The following KCNMA1 variants were observed in gnomAD, a reference collection of about 807,000 sequenced individuals.
KCNMA1 encodes the protein Calcium-activated potassium channel subunit alpha-1.
A neutral mutation model predicts 140.0 loss-of-function variants in KCNMA1; 29 were observed. The observed-to-expected ratio is 0.21, with a 90% CI of 0.15 to 0.28. The LOEUF is 0.28. KCNMA1 is among the 10% of genes least tolerant of loss of function. The probability of loss-of-function intolerance (pLI) is 1.00; values close to 1 mark genes in which losing one functional copy is unlikely to be tolerated. For missense variants in KCNMA1, 880 were observed against 1,602.2 expected (o/e 0.55, Z 7.70); for synonymous variants, 612 against 611.9 (o/e 1.00, Z 0.00).
At chr10:76,950,458 A>G (rs1258214355) in intron 21 of KCNMA1, among the ~76,000 whole-genome samples, 1 of 152,204 alleles carries the variant, frequency 6.6e-6, no homozygotes, top group East Asian at 1.9e-4. Flanking sequence ...CAGGAAATAC[A>G]AATGTTTAGT....
Position 77,511,084 on chromosome 10 carries a change from G to C in KCNMA1, c.379-107061C>G, listed in dbSNP as rs1603631247. ...CTGTGAGTATGTTGGGGCTGCTGCA[G>C]ATCAGCAGTCTCAAAATTCATAGAG... On this transcript the variant is annotated intron_variant, in intron 1 of 27. Transcript: ENST00000286628. Among the ~76,000 whole-genome samples, 4 of 152,334 alleles carry C rather than the reference G, an allele frequency of 2.6e-5. No individual in the cohort carries two copies. The South Asian group carries it at 8.3e-4, about 32-fold the overall frequency.
chr10:77,123,179 CAAAAAAAAAAAAAAAAAAAAAA>C (rs61374890), intron 5 of KCNMA1, among the ~76,000 whole-genome samples: 1,663 of 59,714 alleles, frequency 0.028, 58 homozygotes, highest in African/African-American at 0.11. Context: ...GACTCCGTCT[CAAAAAAAAAAAAAAAAAAAAAA>C]AAAAAAAAAA....
chr10:77,432,174 G>T (rs1437628752), intron 1 of KCNMA1, among the ~76,000 whole-genome samples: 1 of 152,182 alleles, frequency 6.6e-6, no homozygotes, highest in Non-Finnish European at 1.5e-5. Flanking sequence ...GGATAAAGTA[G>T]TGCTTAATGA....
chr10:77,570,684 A>T (rs1370115597), intron 1 of KCNMA1, among the ~76,000 whole-genome samples: 1 of 151,296 alleles, frequency 6.6e-6, no homozygotes, highest in Non-Finnish European at 1.5e-5. Context: ...ACATGTATAC[A>T]TATGTAACTA....
intron 14 of KCNMA1, among the ~76,000 whole-genome samples, chr10:77,059,153 T>C (rs2095648769): frequency 6.6e-6 from 1 of 151,954 alleles, no homozygotes; most frequent in Non-Finnish European, 1.5e-5. Context: ...TCACCCAAGA[T>C]TAACTATTTA....
intron 1 of KCNMA1, among the ~76,000 whole-genome samples, chr10:77,632,548 G>A (rs766987637): frequency 2.0e-5 from 3 of 152,212 alleles, no homozygotes; most frequent in South Asian, 2.1e-4. Context: ...GACCCCATCC[G>A]TGAAGCCTAC....
intron 23 of KCNMA1, among the ~76,000 whole-genome samples, chr10:76,934,887 C>T (rs1158151417): frequency 2.6e-5 from 4 of 152,180 alleles, no homozygotes; most frequent in Non-Finnish European, 4.4e-5. Context: ...GAAACTTCCG[C>T]TTGAGCATGG....
chr10:77,025,242 G>GTATGTATATATATATA (rs1555136871), intron 16 of KCNMA1, among the ~76,000 whole-genome samples: 1 of 42,742 alleles, frequency 2.3e-5, no homozygotes, highest in African/African-American at 7.7e-5. Flanking sequence ...GGGTGTGTGT[G>GTATGTATATATATATA]TATATATATA....
chr10:77,342,237 C>T (rs907895401), intron 2 of KCNMA1, among the ~76,000 whole-genome samples: 4 of 152,152 alleles, frequency 2.6e-5, no homozygotes, highest in African/African-American at 9.7e-5. Context: ...ACAGCAACAG[C>T]AAAATAATAT....
At chr10:77,002,391 A>T (rs934906239) in intron 18 of KCNMA1, among the ~76,000 whole-genome samples, 36 of 152,316 alleles carry the variant, frequency 2.4e-4, no homozygotes, top group African/African-American at 7.5e-4. Context: ...AGCTGAGAGG[A>T]TCTGAAAATC....
In KCNMA1 at chr10:76,917,925, G is replaced by T. The variant is rs933782725; in HGVS notation, c.2903-2876C>A. Among the ~76,000 whole-genome samples the T allele has an allele frequency of 2.6e-5, 4 of 152,198 alleles. No individual in the cohort carries two copies. In the East Asian group the frequency reaches 7.7e-4, roughly 29 times the overall value. ...TCCTTAAATGGCTTTGGAGAGAAGA[G>T]AAATTCAAGCACCTTCCATAAAGGA... is the stretch of plus-strand genomic sequence containing the variant. On this transcript the variant is annotated intron_variant, in intron 23 of 27. Coordinates refer to ENST00000286628, the MANE Select transcript of KCNMA1 (RefSeq NM_001161352.2).
chr10:77,252,022 C>A (rs918294158), intron 2 of KCNMA1, among the ~76,000 whole-genome samples: 4 of 152,170 alleles, frequency 2.6e-5, no homozygotes, highest in African/African-American at 9.7e-5. Flanking sequence ...GAAAGTAGTT[C>A]CAGTTCAGGA....
intron 1 of KCNMA1, among the ~76,000 whole-genome samples, chr10:77,611,962 T>A (rs2087084642): frequency 6.6e-6 from 1 of 152,162 alleles, no homozygotes; most frequent in African/African-American, 2.4e-5. Context: ...AACAGTAAAG[T>A]ATATATTTGA....
chr10:77,603,522 A>C (rs1330848781), intron 1 of KCNMA1, among the ~76,000 whole-genome samples: 2 of 152,178 alleles, frequency 1.3e-5, no homozygotes, highest in African/African-American at 2.4e-5. Flanking sequence ...TAAGCAGGGA[A>C]GGAGAGGGAC....
At chr10:77,605,281 C>T (rs2084075517) in intron 1 of KCNMA1, among the ~76,000 whole-genome samples, 1 of 152,200 alleles carries the variant, frequency 6.6e-6, no homozygotes, top group African/African-American at 2.4e-5. Context: ...GGAGGTAACA[C>T]AGGAAAGAGC....
intron 2 of KCNMA1, among the ~76,000 whole-genome samples, chr10:77,294,571 T>C (rs980666487): frequency 3.9e-5 from 6 of 152,198 alleles, no homozygotes; most frequent in Non-Finnish European, 7.3e-5. Flanking sequence ...CAAAGACCAA[T>C]GTAAGAATGC....
intron 1 of KCNMA1, among the ~76,000 whole-genome samples, chr10:77,566,359 G>A (rs556746574): frequency 4.6e-5 from 7 of 152,292 alleles, no homozygotes; most frequent in East Asian, 1.9e-4. Context: ...AGCACTTCTC[G>A]CCATGCGTGA....
chr10:76,931,517 GA>G (rs57206850), intron 23 of KCNMA1, among the ~76,000 whole-genome samples: 12,311 of 131,778 alleles, frequency 0.093, 557 homozygotes, highest in Non-Finnish European at 0.12. Flanking sequence ...ACTGTTTTAA[GA>G]AAAAAAAAAA....
chr10:77,102,146 ATG>A (rs2097112578), intron 9 of KCNMA1, among the ~76,000 whole-genome samples: 1 of 152,212 alleles, frequency 6.6e-6, no homozygotes, highest in African/African-American at 2.4e-5. Flanking sequence ...TGTGGAATGG[ATG>A]GACATGAAGG....
Sources: allele counts gnomAD v4.1 joint callset (sites outside exome capture counted in the v4.1 genomes callset), GRCh38; gene constraint gnomAD v4.1.1; transcripts MANE v1.5; gene names NCBI Gene and HGNC (gene_info 2026-07-23, HGNC 2026-07-21).